The following MTMR4 variants were observed in gnomAD, a reference collection of about 807,000 sequenced individuals.
MTMR4 encodes the protein phosphatidylinositol-3,5-bisphosphate 3-phosphatase MTMR4.
A neutral mutation model predicts 125.5 loss-of-function variants in MTMR4; 30 were observed. The ratio of observed to expected loss-of-function variants is 0.24; its 90% CI spans 0.18 to 0.32. The LOEUF (loss-of-function observed/expected upper bound fraction) is 0.32. Among genes scored for constraint, MTMR4 ranks in the 10% least tolerant of loss-of-function variants. The pLI, the probability that MTMR4 is intolerant of heterozygous loss-of-function variation, is 1.00. For synonymous variants in MTMR4, 498 were observed against 564.5 expected, an observed-to-expected ratio of 0.88 and a Z score of 1.67; for missense variants, 1,039 against 1,511.5, an observed-to-expected ratio of 0.69 and a Z score of 5.18.
At position 58,503,852 on chromosome 17, in the gene MTMR4, G is replaced by C. The variant is rs770380718; in HGVS notation, c.1745C>G (p.Ala582Gly). Residue 582 changes from alanine (A) to glycine (G), a missense_variant, in exon 14 of 18, where the codon GCT (alanine) becomes GGT (glycine). Physicochemically the swap from Ala to Gly is moderately conservative, Grantham distance 60 (BLOSUM62 0). Around this residue, in one of 6 missense-constraint regions of MTMR4, gnomAD observed 619 missense variants for 714.5 expected, o/e 0.87. Transcript: ENST00000682306. ...CHVRALHLWT[A>G]VYLPASSPCT... The stretch of plus-strand genomic sequence containing the variant: ...TGGAGATGATGCTGGCAGATAAACA[G>C]CTGTCCAGAGGTGCAGGGCCCGGAC... 4 of 1,614,040 alleles carry C rather than the reference G, an allele frequency of 2.5e-6. No homozygotes were observed. The highest frequency in any genetic ancestry group is 3.4e-6 in the Non-Finnish European group (4 of 1,180,028).
rs1253080035 is a variant in MTMR4 at position 58,495,974 on chromosome 17, T to C, written c.2210A>G (p.Lys737Arg). ...TGGTCCCTTAGTCTCTTCTAGGACTTTGATCTCAGGATCAGAGGTGTTGCT... is the reference window on the plus strand; with the variant it reads ...TGGTCCCTTAGTCTCTTCTAGGACTCTGATCTCAGGATCAGAGGTGTTGCT... The part of the protein sequence containing the change: ...MKSNTSDPEI[K>R]VLEETKGPAP... The change falls in exon 15 of 18, where the codon AAA (lysine) becomes AGA (arginine). Residue 737 changes from lysine (K) to arginine (R), a missense_variant. This residue lies in a region of MTMR4 where 619 missense variants were observed against 714.5 expected (regional missense o/e 0.87). Transcript: ENST00000682306. 4 of 1,614,112 alleles carry C rather than the reference T, an allele frequency of 2.5e-6. No homozygotes were observed. The South Asian group carries it at 3.3e-5, about 13-fold the overall frequency.
chr17:58,516,626 G>A (rs2042019423), upstream of MTMR4: 2 of 1,613,494 alleles, frequency 1.2e-6, no homozygotes, highest in East Asian at 2.2e-5. Flanking sequence ...TCACTGTAAG[G>A]AGACAGAGGA....
At position 58,507,333 on chromosome 17, in the gene MTMR4, A is replaced by G. The variant is rs761903393; in HGVS notation, c.708-14T>C. On this transcript the variant is annotated splice_polypyrimidine_tract_variant and intron_variant, in intron 7 of 17. Coordinates refer to ENST00000682306, the MANE Select transcript of MTMR4 (RefSeq NM_001378067.1). ...TTGCGCAAGTGTCTGACAAAACAGAAGAAACCGTAATGCCCTTGGCATTCG... is the reference window on the plus strand; with the variant it reads ...TTGCGCAAGTGTCTGACAAAACAGAGGAAACCGTAATGCCCTTGGCATTCG... The G allele has an allele frequency of 6.2e-7, 1 of 1,608,852 alleles. No homozygotes were observed. The highest frequency in any genetic ancestry group is 8.5e-7 in the Non-Finnish European group (1 of 1,179,064).
chr17:58,507,178 C>G lies in MTMR4; in HGVS notation c.849G>C (p.Gly283=). Residue 283 remains glycine, a synonymous_variant, in exon 8 of 18, where the codon GGG becomes GGC. Transcript: ENST00000682306. ...CALDPGTRAT[G]GSLSTGNNDT... ...CATTATTCCCGGTGCTGAGGGAGCC[C>G]CCAGTGGCCCTTGTCCCCGGGTCCA... 1 of 1,614,132 alleles carries G rather than the reference C, an allele frequency of 6.2e-7. No homozygotes were observed. The highest frequency in any genetic ancestry group is 8.5e-7 in the Non-Finnish European group (1 of 1,180,010).
upstream of MTMR4, chr17:58,514,717 A>C: frequency 1.0e-6 from 1 of 961,280 alleles, no homozygotes; most frequent in Non-Finnish European, 1.2e-6. Flanking sequence ...CCCCGCCCAC[A>C]AGCCCAGCCT....
rs1975352229 is a variant in MTMR4 at position 58,492,890 on chromosome 17, G to A, written c.3315C>T (p.Asp1105=). The A allele has an allele frequency of 6.2e-7, 1 of 1,614,102 alleles. No individual in the cohort carries two copies. Among genetic ancestry groups the A allele is most frequent in the Non-Finnish European group, 8.5e-7 (1 of 1,180,054 alleles). The change falls in exon 16 of 18, where the codon GAC becomes GAT. Residue 1105 remains aspartate, a synonymous_variant. Coordinates refer to ENST00000682306, the MANE Select transcript of MTMR4 (RefSeq NM_001378067.1). ...GTTCCCAGCTTGCTTCTGAAAGGCA[G>A]TCTTCACTGTGATCAGAGCCAAAAT... is the stretch of plus-strand genomic sequence containing the variant. ...TEDFGSDHSE[D]CLSEASWEPV...
intron 15 of MTMR4, among the ~76,000 whole-genome samples, chr17:58,494,697 C>T (rs1223322016): frequency 6.6e-6 from 1 of 152,326 alleles, no homozygotes; most frequent in East Asian, 1.9e-4. Context: ...CAAGCATTAC[C>T]TTCTCAAGAA....
rs1567932455 is a variant in MTMR4, at chr17:58,503,896, G to A, written c.1701C>T (p.Val567=). ...CCCGGACATGACAAACAGGATGCAG[G>A]ACCTAGGGAAGCAGCCCAATACTAG... is the stretch of plus-strand genomic sequence containing the variant. The part of the protein sequence containing the change: ...NFLYTPSSDM[V]LHPVCHVRAL... The change falls in exon 14 of 18, where the codon GTC becomes GTT. Residue 567 remains valine (V), a splice_region_variant and synonymous_variant. Coordinates refer to ENST00000682306, the MANE Select transcript of MTMR4 (RefSeq NM_001378067.1). The A allele has an allele frequency of 6.2e-7, 1 of 1,613,454 alleles. No homozygotes were observed. Among genetic ancestry groups the A allele is most frequent in the Non-Finnish European group, 8.5e-7 (1 of 1,179,728 alleles).
Position 58,495,434 on chromosome 17 carries a change from A to G in MTMR4, c.2750T>C (p.Leu917Pro). 6.2e-7 allele frequency: 1 copy of G among 1,614,270 alleles called. No individual in the cohort carries two copies. Residue 917 changes from leucine to proline, a missense_variant, in exon 15 of 18, where the codon CTA becomes CCA. Transcript: ENST00000682306. ...TTGGAAGCTGTCCCAGTTGGACCCT[A>G]GAAAAGAGAACTCACTGATCTGGCT... ...SQSQISEFSF[L>P]GSNWDSFQGM... is the part of the protein sequence containing the mutation.
chr17:58,491,972 A>G, intron 17 of MTMR4, 132 bp from the exon 18 acceptor site: 1 of 627,638 alleles, frequency 1.6e-6, no homozygotes, highest in Admixed American at 3.4e-5. Context: ...GGAGTTTGAG[A>G]CTTGCCTGAG....
rs773049876 is a variant in MTMR4, at chr17:58,503,822, G to A, written c.1775C>T (p.Thr592Ile). 1.9e-6 allele frequency: 3 copies of A among 1,614,056 alleles called. No individual in the cohort carries two copies. Among genetic ancestry groups the A allele is most frequent in the Admixed American group, 1.7e-5 (1 of 60,002 alleles). Reference sequence around the variant, plus strand: ...AAGATCCATGTTTTCTTCCCCAAGTGTGCATGGAGATGATGCTGGCAGATA... The same window carrying A: ...AAGATCCATGTTTTCTTCCCCAAGTATGCATGGAGATGATGCTGGCAGATA... Reference protein sequence around the residue: ...AVYLPASSPCTLGEENMDLYL... With the variant: ...AVYLPASSPCILGEENMDLYL... Residue 592 changes from threonine to isoleucine, a missense_variant, in exon 14 of 18, where the codon ACA (threonine) becomes ATA (isoleucine). By Grantham distance (89) the Thr-to-Ile change is moderately conservative. Coordinates refer to ENST00000682306, the MANE Select transcript of MTMR4 (RefSeq NM_001378067.1).
Position 58,495,291 on chromosome 17 carries a change from C to G in MTMR4, c.2893G>C (p.Gly965Arg), listed in dbSNP as rs750793062. The G allele has an allele frequency of 1.2e-6, 2 of 1,614,210 alleles. No homozygotes were observed. The highest frequency in any genetic ancestry group is 1.7e-6 in the Non-Finnish European group (2 of 1,180,048). ...QMRATGPCFG[G>R]QWAQREGVKS... ...ACACCTTCTCTCTGAGCCCACTGGC[C>G]CCCAAAGCAGGGCCCTGTGGCCCGC... The change falls in exon 15 of 18, where the codon GGC becomes CGC. Residue 965 changes from glycine (G) to arginine (R), a missense_variant. By Grantham distance (125) the Gly-to-Arg change is moderately radical. Transcript: ENST00000682306.
At chr17:58,506,944 T>C in intron 8 of MTMR4, 73 bp from the exon 9 acceptor site, 2 of 1,574,976 alleles carry the variant, frequency 1.3e-6, no homozygotes, top group Non-Finnish European at 1.7e-6. Flanking sequence ...TGGCACTCCC[T>C]CTCAGAAGGC....
At chr17:58,505,184 G>A (rs1459992109) in intron 10 of MTMR4, among the ~76,000 whole-genome samples, 2 of 152,192 alleles carry the variant, frequency 1.3e-5, no homozygotes, top group African/African-American at 4.8e-5. Flanking sequence ...GCTCAAAAGA[G>A]GAACTGAGAA....
At chr17:58,517,658 G>A (rs548312327), upstream of MTMR4, among the ~76,000 whole-genome samples, 9 of 152,378 alleles carry the variant, frequency 5.9e-5, no homozygotes, top group African/African-American at 1.9e-4. Context: ...GGGGAGCCCA[G>A]GTGCCCAGGT....
chr17:58,493,384 G>C (rs575305078), intron 15 of MTMR4, among the ~76,000 whole-genome samples: 1 of 152,198 alleles, frequency 6.6e-6, no homozygotes, highest in South Asian at 2.1e-4. Context: ...ACAAGGTCTC[G>C]CTCTTTTGCC....
At position 58,507,778 on chromosome 17, in the gene MTMR4, T is replaced by A. The variant is rs9911411; in HGVS notation, c.707+383A>T. ...GTCATGTATTCTTCTTTGCTTTTTT[T>A]AAAAATAGCCCTTTAAAAATGTAAA... On this transcript the variant is annotated intron_variant, in intron 7 of 17. Coordinates refer to ENST00000682306, the MANE Select transcript of MTMR4 (RefSeq NM_001378067.1). Among the ~76,000 whole-genome samples, 491 of 152,298 alleles carry A rather than the reference T, an allele frequency of 3.2e-3. 3 individuals carry two copies. Among genetic ancestry groups the A allele is most frequent in the Middle Eastern group, 0.017 (5 of 294 alleles).
chr17:58,493,404 A>C (rs1975366282), intron 15 of MTMR4, among the ~76,000 whole-genome samples: 1 of 152,198 alleles, frequency 6.6e-6, no homozygotes, highest in African/African-American at 2.4e-5. Context: ...CCAGGCTGGA[A>C]TGCAGCAGCA....
In MTMR4 at chr17:58,495,269, CCTT is replaced by C. The variant is rs759892306; in HGVS notation, c.2912_2914del (p.Glu971del). 1.2e-6 allele frequency: 2 copies of C among 1,614,210 alleles called. No individual in the cohort carries two copies. Among genetic ancestry groups the C allele is most frequent in the Non-Finnish European group, 1.7e-6 (2 of 1,180,040 alleles). ...ACTAGAACAGACAGGTGACTTCACA[CCTT>C]CTCTCTGAGCCCACTGGCCCCCAAA... On this transcript the variant is annotated inframe_deletion, in exon 15 of 18. Coordinates refer to ENST00000682306, the MANE Select transcript of MTMR4 (RefSeq NM_001378067.1).
Sources: gnomAD v4.1 joint callset for allele counts (sites outside exome capture counted in the v4.1 genomes callset) on GRCh38, gnomAD v4.1.1 for gene constraint, gnomAD v4.1.1 regional missense constraint, MANE v1.5 for transcripts, NCBI Gene and HGNC (gene_info 2026-07-23, HGNC 2026-07-21) for gene names.